The following HNRNPM variants were observed in gnomAD, a reference collection of about 807,000 sequenced individuals.
The protein encoded by HNRNPM is heterogeneous nuclear ribonucleoprotein M, also known as CEA receptor.
Under a neutral mutation model 73.1 loss-of-function variants are expected in HNRNPM, and 11 were observed. The observed-to-expected ratio is 0.15, with a 90% CI of 0.09 to 0.25. The LOEUF is 0.25. Among genes scored for constraint, HNRNPM ranks in the 10% least tolerant of loss-of-function variants. HNRNPM has a pLI of 1.00. For synonymous variants in HNRNPM, 407 were observed against 355.2 expected (o/e 1.15, Z -1.64); for missense variants, 789 against 1,067.9 (o/e 0.74, Z 3.64).
chr19:8,455,835 A>G (rs1310149138), intron 2 of HNRNPM, among the ~76,000 whole-genome samples: 1 of 145,898 alleles, frequency 6.9e-6, no homozygotes, highest in Non-Finnish European at 1.5e-5. Flanking sequence ...AGATGATTTT[A>G]CTGGCTTAGT....
intron 2 of HNRNPM, among the ~76,000 whole-genome samples, chr19:8,461,331 T>C (rs1024199440): frequency 7.9e-5 from 12 of 152,232 alleles, no homozygotes; most frequent in African/African-American, 2.9e-4. Context: ...ATAATTTTAA[T>C]GTCCTTTAAA....
chr19:8,458,933 G>A (rs987233511), intron 2 of HNRNPM, among the ~76,000 whole-genome samples: 1 of 152,100 alleles, frequency 6.6e-6, no homozygotes, highest in African/African-American at 2.4e-5. Flanking sequence ...AATGCAGCCT[G>A]TATTTTATTT....
intron 13 of HNRNPM, among the ~76,000 whole-genome samples, chr19:8,483,809 A>G (rs1206370272): frequency 6.6e-6 from 1 of 152,234 alleles, no homozygotes; most frequent in Non-Finnish European, 1.5e-5. Flanking sequence ...TCTGTCTCCC[A>G]GGCTGGAGTG....
intron 10 of HNRNPM, 58 bp from the exon 11 acceptor site, chr19:8,473,606 C>G: frequency 1.9e-6 from 2 of 1,057,446 alleles, no homozygotes; most frequent in Non-Finnish European, 2.9e-6. Flanking sequence ...TTTTTAAGTT[C>G]AAACGTTATT....
At chr19:8,457,306 T>C (rs1296788041) in intron 2 of HNRNPM, among the ~76,000 whole-genome samples, 2 of 152,204 alleles carry the variant, frequency 1.3e-5, no homozygotes, top group Non-Finnish European at 2.9e-5. Flanking sequence ...CCATGGTGTT[T>C]CTGGATGTAG....
intron 2 of HNRNPM, among the ~76,000 whole-genome samples, chr19:8,459,581 AAAAAAAATAT>A (rs1454132700): frequency 6.6e-6 from 1 of 151,850 alleles, no homozygotes; most frequent in East Asian, 1.9e-4. Flanking sequence ...ACTCCTGTTA[AAAAAAAATAT>A]ATAGGTCTTA....
chr19:8,488,645 A>C (rs1470649967), intron 15 of HNRNPM, 46 bp from the exon 16 acceptor site: 8 of 1,573,598 alleles, frequency 5.1e-6, no homozygotes, highest in Non-Finnish European at 6.9e-6. Flanking sequence ...CCAAAATCTA[A>C]CAAAATCGGG....
intron 2 of HNRNPM, among the ~76,000 whole-genome samples, chr19:8,458,917 G>T (rs1268681174): frequency 1.3e-5 from 2 of 152,116 alleles, no homozygotes; most frequent in Non-Finnish European, 2.9e-5. Context: ...ATTTTCCTCT[G>T]TTGGAAATGC....
At chr19:8,465,298 C>T (rs768506504) in intron 5 of HNRNPM, 26 bp from the exon 6 acceptor site, 19 of 1,577,194 alleles carry the variant, frequency 1.2e-5, no homozygotes, top group South Asian at 3.5e-5. Context: ...GTCAGTTAAA[C>T]GTAACACCTT....
At position 8,455,549 on chromosome 19, in the gene HNRNPM, A is replaced by C; in HGVS notation, c.258A>C (p.Ser86=). The change falls in exon 2 of 16, where the codon TCA becomes TCC. Residue 86 remains serine (S), a synonymous_variant. Transcript: ENST00000325495. The part of the protein sequence containing the change: ...TNIPFDVKWQ[S]LKDLVKEKVG... ...TACCTTTTGATGTGAAATGGCAGTC[A>C]CTTAAAGACCTGGTTAAAGAAAAAG... 6.2e-7 allele frequency: 1 copy of C among 1,613,872 alleles called. No homozygotes were observed. The highest frequency in any genetic ancestry group is 8.5e-7 in the Non-Finnish European group (1 of 1,179,892).
intron 2 of HNRNPM, among the ~76,000 whole-genome samples, chr19:8,459,455 T>G (rs1969249400): frequency 6.6e-6 from 1 of 152,176 alleles, no homozygotes; most frequent in Non-Finnish European, 1.5e-5. Flanking sequence ...GTCTTTATAT[T>G]AAAGAGTGTG....
Position 8,445,813 on chromosome 19 carries a change from C to T in HNRNPM, c.113+702C>T, listed in dbSNP as rs185478575. ...ATTAGTGGAGAGATGGGATCTGCTGCTTAGCGTTCACCCTCGGAAGCAGAC... is the reference window on the plus strand; with the variant it reads ...ATTAGTGGAGAGATGGGATCTGCTGTTTAGCGTTCACCCTCGGAAGCAGAC... On this transcript the variant is annotated intron_variant, in intron 1 of 15. Coordinates refer to ENST00000325495, the MANE Select transcript of HNRNPM (RefSeq NM_005968.5). Among the ~76,000 whole-genome samples, 589 of 152,374 alleles carry T rather than the reference C, an allele frequency of 3.9e-3. 3 individuals are homozygous for T. The highest frequency in any genetic ancestry group is 7.1e-3 in the Non-Finnish European group (480 of 68,038).
In HNRNPM at chr19:8,468,803, C is replaced by T. The variant is rs1229573313; in HGVS notation, c.864C>T (p.Phe288=). 2.5e-6 allele frequency: 4 copies of T among 1,613,820 alleles called. No homozygotes were observed. Among genetic ancestry groups the T allele is most frequent in the Non-Finnish European group, 3.4e-6 (4 of 1,179,706 alleles). ...MDERALPKGD[F]FPPERPQQLP... is the part of the protein sequence containing the mutation. ...AGAGGGCCTTACCAAAAGGAGATTT[C>T]TTCCCTCCTGAGCGTCCACAACAAC... The change falls in exon 9 of 16, where the codon TTC becomes TTT. Residue 288 remains phenylalanine (F), a synonymous_variant. Transcript: ENST00000325495.
chr19:8,446,927 G>A (rs910153051), intron 1 of HNRNPM, among the ~76,000 whole-genome samples: 22 of 152,102 alleles, frequency 1.4e-4, no homozygotes, highest in Admixed American at 1.3e-3. Context: ...GTCTATCTAC[G>A]GAAGCTGGTA....
chr19:8,445,166 C>G (rs1044675658), intron 1 of HNRNPM, 55 bp downstream of exon 1: 3 of 1,316,480 alleles, frequency 2.3e-6, no homozygotes. Context: ...GCGGCCGACG[C>G]GGGCGGCGGC....
intron 1 of HNRNPM, among the ~76,000 whole-genome samples, chr19:8,454,856 C>T (rs931018850): frequency 6.6e-6 from 1 of 152,046 alleles, no homozygotes; most frequent in African/African-American, 2.4e-5. Context: ...TCACCATTGT[C>T]TCTGTTACTG....
chr19:8,488,968 T>C lies in HNRNPM; in HGVS notation c.*114T>C. On this transcript the variant is annotated 3_prime_UTR_variant, in exon 16 of 16. Transcript: ENST00000325495. ...AGATGTTTAAAAAATTCAGTTGCTT[T>C]TTGGGGTAATTTGAATTACTTTTTT... 1.0e-6 allele frequency: 1 copy of C among 962,304 alleles called. No individual in the cohort carries two copies. The highest frequency in any genetic ancestry group is 2.6e-5 in the Admixed American group (1 of 37,844). 59.6% of individuals were successfully genotyped at this position (962,304 alleles called of 1,614,324 possible). A position where few individuals can be genotyped will look rare whatever the true frequency, so the allele number is the denominator to read the frequency against.
chr19:8,455,730 T>A (rs1968960426), intron 2 of HNRNPM, among the ~76,000 whole-genome samples, 156 bp downstream of exon 2: 1 of 148,592 alleles, frequency 6.7e-6, no homozygotes, highest in African/African-American at 2.4e-5. Flanking sequence ...CCTCAGTTTT[T>A]TTTTTTTGTT....
intron 9 of HNRNPM, among the ~76,000 whole-genome samples, chr19:8,470,104 C>T (rs374738072): frequency 1.3e-5 from 2 of 152,252 alleles, no homozygotes; most frequent in East Asian, 3.8e-4. Flanking sequence ...GAGGAGCACA[C>T]TGCTCCAGGG....
Sources: allele counts gnomAD v4.1 joint callset (sites outside exome capture counted in the v4.1 genomes callset), GRCh38; gene constraint gnomAD v4.1.1; transcripts MANE v1.5; gene names NCBI Gene and HGNC (gene_info 2026-07-23, HGNC 2026-07-21).